The following ARHGAP8 variants were observed in gnomAD, a reference collection of about 807,000 sequenced individuals.
ARHGAP8 encodes the protein rho GTPase-activating protein 8.
Under a neutral mutation model 46.1 loss-of-function variants are expected in ARHGAP8, and 62 were observed. The ratio of observed to expected loss-of-function variants is 1.34; its 90% confidence interval spans 1.10 to 1.66. ARHGAP8 has a LOEUF of 1.66. ARHGAP8 is among the 40% of genes most tolerant of loss of function. ARHGAP8 has a pLI of 0.00. For synonymous variants in ARHGAP8, 375 were observed against 243.1 expected (o/e 1.54, Z -5.05); for missense variants, 923 against 568.4 (o/e 1.62, Z -6.34).
Position 44,849,062 on chromosome 22 carries a change from T to G in ARHGAP8, c.877+2T>G, listed in dbSNP as rs762579216. On this transcript the variant is annotated splice_donor_variant, in intron 10 of 11. Coordinates refer to ENST00000356099, the MANE Select transcript of ARHGAP8 (RefSeq NM_181335.3). LOFTEE classifies it high-confidence loss of function. ...ACGAGCAGATTCTCGGGATCACCTG[T>G]GCGTAGCTGCCCTGGCGCAGGGGTG... 8.1e-6 allele frequency: 13 copies of G among 1,613,650 alleles called. No homozygotes were observed. Among genetic ancestry groups the G allele is most frequent in the Admixed American group, 1.7e-5 (1 of 60,000 alleles).
At chr22:44,859,971 C>G (rs1376633182) in intron 11 of ARHGAP8, 137 bp downstream of exon 11, 6 of 1,047,470 alleles carry the variant, frequency 5.7e-6, no homozygotes, top group South Asian at 1.6e-5. Context: ...ACTCCCTGCC[C>G]CCCAAGGACC....
chr22:44,755,359 A>G (rs1331030546), intron 1 of ARHGAP8, among the ~76,000 whole-genome samples: 1 of 152,188 alleles, frequency 6.6e-6, no homozygotes, highest in African/African-American at 2.4e-5. Context: ...GCCGGTGACT[A>G]CCCTTCAAAT....
intron 2 of ARHGAP8, among the ~76,000 whole-genome samples, chr22:44,787,896 A>G (rs1172445497): frequency 6.7e-6 from 1 of 148,442 alleles, no homozygotes; most frequent in Non-Finnish European, 1.5e-5. Context: ...ACAGGCACTC[A>G]GTCATTTGAA....
At chr22:44,803,347 G>A (rs548986621) in intron 3 of ARHGAP8, among the ~76,000 whole-genome samples, 32 of 152,242 alleles carry the variant, frequency 2.1e-4, no homozygotes, top group African/African-American at 7.7e-4. Context: ...CAGAAGGGGA[G>A]GTCTCAGGCA....
At chr22:44,770,230 C>T (rs150398520) in intron 1 of ARHGAP8, among the ~76,000 whole-genome samples, 23,565 of 151,722 alleles carry the variant, frequency 0.16, 1,956 homozygotes, top group Middle Eastern at 0.2. Flanking sequence ...GGCAACAGAG[C>T]GAGACTCCAT....
rs769162435 is a variant in ARHGAP8, at chr22:44,822,470, G to A, written c.485+1G>A. On this transcript the variant is annotated splice_donor_variant, in intron 6 of 11. Transcript: ENST00000356099. LOFTEE classifies it high-confidence loss of function. Reference sequence around the variant, plus strand: ...TGGTCATCCCTCCCGAAGTTTTGCGGTAAGTGCCTGTTAGACCCCAGAAGC... The same window carrying A: ...TGGTCATCCCTCCCGAAGTTTTGCGATAAGTGCCTGTTAGACCCCAGAAGC... 2 of 1,549,792 alleles carry A rather than the reference G, an allele frequency of 1.3e-6. No homozygotes were observed. Among genetic ancestry groups the A allele is most frequent in the South Asian group, 2.5e-5 (2 of 79,164 alleles).
intron 10 of ARHGAP8, among the ~76,000 whole-genome samples, chr22:44,859,077 T>G (rs2070337272): frequency 6.6e-6 from 1 of 150,856 alleles, no homozygotes; most frequent in Admixed American, 6.6e-5. Context: ...TGCCAACCCC[T>G]GGTCTAGACC....
intron 3 of ARHGAP8, 112 bp from the exon 4 acceptor site, chr22:44,808,195 G>T: frequency 1.3e-6 from 2 of 1,498,158 alleles, no homozygotes; most frequent in Non-Finnish European, 1.8e-6. Flanking sequence ...TCTCCATGTG[G>T]CCCGGTGCTG....
chr22:44,774,921 C>A (rs1465569084), intron 1 of ARHGAP8, among the ~76,000 whole-genome samples: 1 of 151,992 alleles, frequency 6.6e-6, no homozygotes, highest in African/African-American at 2.4e-5. Context: ...ACCTCTGCTT[C>A]CTGGGTTCAA....
intron 5 of ARHGAP8, among the ~76,000 whole-genome samples, chr22:44,819,995 G>A (rs1283737541): frequency 1.3e-5 from 2 of 152,198 alleles, no homozygotes; most frequent in Non-Finnish European, 2.9e-5. Context: ...GCAGCCCATT[G>A]CCTGTGAGAT....
At chr22:44,801,901 C>T (rs929893714) in intron 2 of ARHGAP8, 176 bp from the exon 3 acceptor site, 9 of 633,194 alleles carry the variant, frequency 1.4e-5, no homozygotes, top group East Asian at 2.7e-5. Context: ...ACTTGGACCA[C>T]GTGCATAAAG....
intron 4 of ARHGAP8, chr22:44,808,703 C>A (rs533187056): frequency 1.6e-4 from 99 of 626,918 alleles, no homozygotes; most frequent in Non-Finnish European, 2.7e-4. Context: ...ATGGCTCACA[C>A]CTGTAATCCC....
chr22:44,792,265 C>T (rs903992943), intron 2 of ARHGAP8, among the ~76,000 whole-genome samples: 4 of 152,166 alleles, frequency 2.6e-5, no homozygotes, highest in Admixed American at 1.3e-4. Context: ...CTGCCTCGGC[C>T]TCCCAAAGTG....
At chr22:44,772,032 G>C (rs897866559) in intron 1 of ARHGAP8, among the ~76,000 whole-genome samples, 27 of 152,072 alleles carry the variant, frequency 1.8e-4, no homozygotes, top group Non-Finnish European at 5.9e-5. Flanking sequence ...GATGTTAGCT[G>C]TAGATTTTTT....
chr22:44,847,945 G>A, intron 8 of ARHGAP8, 28 bp from the exon 9 acceptor site: 10 of 1,604,736 alleles, frequency 6.2e-6, no homozygotes, highest in Non-Finnish European at 8.5e-6. Flanking sequence ...TGGGACCTGT[G>A]AGATGCCTGG....
At chr22:44,859,968 G>GC (rs1316126803) in intron 11 of ARHGAP8, 134 bp downstream of exon 11, 30 of 1,071,858 alleles carry the variant, frequency 2.8e-5, no homozygotes, top group East Asian at 1.6e-4. Context: ...ACCACTCCCT[G>GC]CCCCCCAAGG....
At chr22:44,770,613 C>G (rs1324028866) in intron 1 of ARHGAP8, among the ~76,000 whole-genome samples, 7 of 152,098 alleles carry the variant, frequency 4.6e-5, no homozygotes, top group Admixed American at 4.6e-4. Flanking sequence ...ACCATGATGC[C>G]CAGGCTGGTC....
In ARHGAP8 at chr22:44,849,189, G is replaced by C. The variant is rs1446590723; in HGVS notation, c.877+129G>C. On this transcript the variant is annotated intron_variant, in intron 10 of 11. Coordinates refer to ENST00000356099, the MANE Select transcript of ARHGAP8 (RefSeq NM_181335.3). ...CCCACCCTCCTCCTGTTGCCATCTG[G>C]CACTGCAGGGCAAGAGAGGGGGTTG... 5 of 1,518,468 alleles carry C rather than the reference G, an allele frequency of 3.3e-6. No homozygotes were observed. In the African/African-American group the frequency reaches 6.8e-5, roughly 21 times the overall value. 94.1% of individuals were successfully genotyped at this position (1,518,468 alleles called of 1,614,324 possible).
chr22:44,777,532 C>G (rs1483519893), intron 1 of ARHGAP8, among the ~76,000 whole-genome samples: 1 of 152,028 alleles, frequency 6.6e-6, no homozygotes, highest in East Asian at 1.9e-4. Flanking sequence ...CAGGGTCACT[C>G]TGTTGGGCCT....
Sources: allele counts gnomAD v4.1 joint callset (sites outside exome capture counted in the v4.1 genomes callset), GRCh38; gene constraint gnomAD v4.1.1; transcripts MANE v1.5; gene names NCBI Gene and HGNC (gene_info 2026-07-23, HGNC 2026-07-21).